TUBGCP4: variants seen among roughly 807,000 people sequenced by gnomAD.
The protein encoded by TUBGCP4 is tubulin gamma complex component 4, also known as gamma-tubulin complex component 4.
TUBGCP4 carries 54 observed loss-of-function variants against 91.6 expected under a neutral mutation model. The observed-to-expected ratio is 0.59, with a 90% CI of 0.47 to 0.74. The LOEUF is 0.74. Ranked by LOEUF, TUBGCP4 falls within the 30% of genes least tolerant of loss-of-function variation. TUBGCP4 has a pLI of 0.00. For missense variants in TUBGCP4, 593 were observed against 800.9 expected (o/e 0.74, Z 3.13); for synonymous variants, 297 against 302.8 (o/e 0.98, Z 0.20).
intron 9 of TUBGCP4, 121 bp from the exon 10 acceptor site, chr15:43,394,986 T>C: frequency 9.6e-7 from 1 of 1,046,710 alleles, no homozygotes. Context: ...TGAGTAAATT[T>C]TTCTATGTGG....
Position 43,401,770 on chromosome 15 carries a change from C to G in TUBGCP4, c.1651C>G (p.Arg551Gly), listed in dbSNP as rs751545508. The G allele has an allele frequency of 1.2e-6, 2 of 1,613,952 alleles. No individual in the cohort carries two copies. Among genetic ancestry groups the G allele is most frequent in the South Asian group, 1.1e-5 (1 of 91,084 alleles). The change falls in exon 15 of 18, where the codon CGA (arginine) becomes GGA (glycine). Residue 551 changes from arginine (R) to glycine (G), a missense_variant. Coordinates refer to ENST00000564079, the MANE Select transcript of TUBGCP4 (RefSeq NM_014444.5). The part of the protein sequence containing the change: ...SQLLHQINST[R>G]DFESIRLAHD... ...GCTGCTTCATCAGATCAATTCTACC[C>G]GAGACTTTGAAAGCATCCGATTGGC...
intron 1 of TUBGCP4, 22 bp downstream of exon 1, chr15:43,371,454 G>A: frequency 6.2e-7 from 1 of 1,613,072 alleles, no homozygotes. Context: ...CGCAGAGCGC[G>A]GGAACCAGGG....
intron 15 of TUBGCP4, chr15:43,402,439 A>G (rs1007245882): frequency 3.3e-5 from 5 of 152,468 alleles, no homozygotes; most frequent in African/African-American, 1.2e-4. Flanking sequence ...AAGAAACTCA[A>G]AATTCTTGCT....
At chr15:43,379,794 T>C (rs1279075836) in intron 5 of TUBGCP4, among the ~76,000 whole-genome samples, 1 of 152,198 alleles carries the variant, frequency 6.6e-6, no homozygotes, top group Non-Finnish European at 1.5e-5. Context: ...TCTGGTTGCT[T>C]TAAGTGCAGT....
At position 43,377,922 on chromosome 15, in the gene TUBGCP4, C is replaced by T. The variant is rs1289473505; in HGVS notation, c.441+19C>T. On this transcript the variant is annotated intron_variant, in intron 5 of 17. Coordinates refer to ENST00000564079, the MANE Select transcript of TUBGCP4 (RefSeq NM_014444.5). ...TCAAAAGGTGAGAACTTTCCTTATTCCTTTTGCTTTGCTAAGCACTGAGGG... is the reference window on the plus strand; with the variant it reads ...TCAAAAGGTGAGAACTTTCCTTATTTCTTTTGCTTTGCTAAGCACTGAGGG... 6.3e-7 allele frequency: 1 copy of T among 1,580,546 alleles called. No homozygotes were observed. The highest frequency in any genetic ancestry group is 8.6e-7 in the Non-Finnish European group (1 of 1,164,646).
At chr15:43,392,742 G>A (rs1036352492) in intron 9 of TUBGCP4, among the ~76,000 whole-genome samples, 2 of 151,992 alleles carry the variant, frequency 1.3e-5, no homozygotes, top group South Asian at 2.1e-4. Context: ...CAAGTGATCT[G>A]CCCGCTTCGG....
Position 43,408,305 on chromosome 15 carries a change from C to A in TUBGCP4, c.*3091C>A. ...CCAGCCTGGGCAATGTGGTGAGACC[C>A]CATCTCTACAAAAGACAACAAAAAA... is the stretch of plus-strand genomic sequence containing the variant. On this transcript the variant is annotated 3_prime_UTR_variant, in exon 18 of 18. Transcript: ENST00000564079. 4.1e-6 allele frequency: 2 copies of A among 484,758 alleles called. No individual in the cohort carries two copies. Among genetic ancestry groups the A allele is most frequent in the Non-Finnish European group, 3.7e-6 (1 of 270,038 alleles). 30.0% of individuals were successfully genotyped at this position (484,758 alleles called of 1,614,324 possible).
chr15:43,393,832 T>A (rs1217536756), intron 9 of TUBGCP4, among the ~76,000 whole-genome samples: 2 of 152,174 alleles, frequency 1.3e-5, no homozygotes, highest in Non-Finnish European at 2.9e-5. Flanking sequence ...ACATTTACGA[T>A]TAACAAAATG....
At chr15:43,380,988 G>T (rs1274274255) in intron 6 of TUBGCP4, among the ~76,000 whole-genome samples, 1 of 151,610 alleles carries the variant, frequency 6.6e-6, no homozygotes, top group Non-Finnish European at 1.5e-5. Context: ...TTAATTTTTT[G>T]TAGAGAGAAG....
At position 43,408,351 on chromosome 15, in the gene TUBGCP4, A is replaced by C; in HGVS notation, c.*3137A>C. ...AAAAAATTAGCTGGGTGTGGTGGCG[A>C]GTGCCTGTAGTCCCAGCAGCTTGGG... On this transcript the variant is annotated 3_prime_UTR_variant, in exon 18 of 18. Coordinates refer to ENST00000564079, the MANE Select transcript of TUBGCP4 (RefSeq NM_014444.5). The C allele has an allele frequency of 2.8e-6, 1 of 356,184 alleles. No homozygotes were observed. The allele number at this position is 356,184 out of a possible 1,614,324, so 22.1% of individuals were successfully genotyped here.
At chr15:43,399,479 G>T (rs747933130) in intron 13 of TUBGCP4, among the ~76,000 whole-genome samples, 11 of 152,002 alleles carry the variant, frequency 7.2e-5, no homozygotes, top group Non-Finnish European at 1.5e-4. Flanking sequence ...CAAGCAGCTG[G>T]GACTATAGGT....
Position 43,401,704 on chromosome 15 carries a change from AAT to A in TUBGCP4, c.1597-11_1597-10del. 1.2e-6 allele frequency: 2 copies of A among 1,612,028 alleles called. No individual in the cohort carries two copies. On this transcript the variant is annotated splice_polypyrimidine_tract_variant and intron_variant, in intron 14 of 17. Coordinates refer to ENST00000564079, the MANE Select transcript of TUBGCP4 (RefSeq NM_014444.5). The stretch of plus-strand genomic sequence containing the variant: ...TATGCAAAGTGCTAAAATTTTTTGT[AAT>A]GTCTATCAGGTAGATGTGTTGGAGT...
chr15:43,385,398 T>C (rs1167201301), intron 7 of TUBGCP4: 1 of 458,822 alleles, frequency 2.2e-6, no homozygotes, highest in Middle Eastern at 3.5e-4. Flanking sequence ...GTATAGGAAG[T>C]GTAGGCTGAG....
chr15:43,372,565 T>C (rs1013511321), intron 1 of TUBGCP4, among the ~76,000 whole-genome samples: 3 of 143,636 alleles, frequency 2.1e-5, no homozygotes, highest in African/African-American at 7.9e-5. Flanking sequence ...TTAGGAAGTA[T>C]GTGGGTGCCT....
In TUBGCP4 at chr15:43,385,591, C is replaced by CT. The variant is rs3217626; in HGVS notation, c.724-198dup. The CT allele has an allele frequency of 0.21, 121,796 of 589,808 alleles. 19,271 individuals are homozygous for CT. Among genetic ancestry groups the CT allele is most frequent in the African/African-American group, 0.59 (31,652 of 53,412 alleles). The allele number at this position is 589,808 out of a possible 1,614,324, so 36.5% of individuals were successfully genotyped here. A position where few individuals can be genotyped will look rare whatever the true frequency, so the allele number is the denominator to read the frequency against. On this transcript the variant is annotated intron_variant, in intron 7 of 17. Coordinates refer to ENST00000564079, the MANE Select transcript of TUBGCP4 (RefSeq NM_014444.5). ...CCCAAATCCCAGTATTTAAGCCACT[C>CT]TTATTTCCACCATGCCACTCTGCTG...
rs370831037 is a variant in TUBGCP4, at chr15:43,407,842, C to A, written c.*2628C>A. 6 of 1,214,240 alleles carry A rather than the reference C, an allele frequency of 4.9e-6. No homozygotes were observed. The East Asian group carries it at 1.2e-4, about 24-fold the overall frequency. The allele number at this position is 1,214,240 out of a possible 1,614,324, so 75.2% of individuals were successfully genotyped here. A position where few individuals can be genotyped will look rare whatever the true frequency, so the allele number is the denominator to read the frequency against. ...TTTTCTTCTCTAAGAAACATGGATA[C>A]GGTCAACCTATTAGGCCTGAGCCTT... is the stretch of plus-strand genomic sequence containing the variant. On this transcript the variant is annotated 3_prime_UTR_variant, in exon 18 of 18. Coordinates refer to ENST00000564079, the MANE Select transcript of TUBGCP4 (RefSeq NM_014444.5).
intron 13 of TUBGCP4, chr15:43,399,040 A>G: frequency 1.3e-6 from 1 of 776,580 alleles, no homozygotes; most frequent in African/African-American, 1.8e-5. Flanking sequence ...TCTAAAAATT[A>G]TCTTTATGTT....
intron 15 of TUBGCP4, 200 bp from the exon 16 acceptor site, chr15:43,403,483 C>T: frequency 1.9e-6 from 1 of 530,554 alleles, no homozygotes; most frequent in East Asian, 3.2e-5. Context: ...ACTCGCTTAG[C>T]CAGGAAAGGA....
chr15:43,371,450 G>C lies in TUBGCP4; in HGVS notation c.78+18G>C. ...GCCTGCAGGTACTGTCCGGCGCAGA[G>C]CGCGGGAACCAGGGAGCGCAGGAGG... is the stretch of plus-strand genomic sequence containing the variant. On this transcript the variant is annotated intron_variant, in intron 1 of 17. Coordinates refer to ENST00000564079, the MANE Select transcript of TUBGCP4 (RefSeq NM_014444.5). 1 of 1,613,820 alleles carries C rather than the reference G, an allele frequency of 6.2e-7. No individual in the cohort carries two copies. Among genetic ancestry groups the C allele is most frequent in the Non-Finnish European group, 8.5e-7 (1 of 1,179,884 alleles).
Sources: gnomAD v4.1 joint callset for allele counts (sites outside exome capture counted in the v4.1 genomes callset) on GRCh38, gnomAD v4.1.1 for gene constraint, MANE v1.5 for transcripts, NCBI Gene and HGNC (gene_info 2026-07-23, HGNC 2026-07-21) for gene names.